HMG20A: variants seen among roughly 807,000 people sequenced by gnomAD.
HMG20A encodes high mobility group protein 20A.
In HMG20A, 17 loss-of-function variants were observed where a neutral mutation model predicts 43.9. The ratio of observed to expected loss-of-function variants is 0.39; its 90% CI spans 0.27 to 0.58. The LOEUF (loss-of-function observed/expected upper bound fraction) is 0.58, where lower values mean the gene tolerates loss of function less well. HMG20A is among the 20% of genes least tolerant of loss of function. The pLI, the probability that HMG20A is intolerant of heterozygous loss-of-function variation, is 0.59. For missense variants in HMG20A, 341 were observed against 438.2 expected (o/e 0.78, Z 1.98); for synonymous variants, 132 against 147.5 (o/e 0.89, Z 0.76).
rs2072736005 is a variant in HMG20A at position 77,464,404 on chromosome 15, CCTT to C, written c.237+20_237+22del. 4.3e-6 allele frequency: 7 copies of C among 1,611,666 alleles called. No homozygotes were observed. Among genetic ancestry groups the C allele is most frequent in the Non-Finnish European group, 5.1e-6 (6 of 1,178,442 alleles). ...GAAGATGAGGTAAGCTGAAGTATCT[CCTT>C]CTGTTCCTATCCTCTGAAACTTCTG... On this transcript the variant is annotated intron_variant, in intron 3 of 9. Coordinates refer to ENST00000336216, the MANE Select transcript of HMG20A (RefSeq NM_001304504.2).
At chr15:77,439,869 C>T (rs1460277891) in intron 1 of HMG20A, among the ~76,000 whole-genome samples, 2 of 152,136 alleles carry the variant, frequency 1.3e-5, no homozygotes, top group African/African-American at 2.4e-5. Context: ...TTCAGTTCCT[C>T]TCCATCCTTG....
intron 1 of HMG20A, among the ~76,000 whole-genome samples, chr15:77,445,929 C>T (rs2073669159): frequency 6.6e-6 from 1 of 152,202 alleles, no homozygotes; most frequent in Non-Finnish European, 1.5e-5. Context: ...TATTTTTGGA[C>T]TGCAGTTGAC....
rs111566135 is a variant in HMG20A, at chr15:77,457,982, A to G, written c.-4-422A>G. On this transcript the variant is annotated intron_variant, in intron 1 of 9. Coordinates refer to ENST00000336216, the MANE Select transcript of HMG20A (RefSeq NM_001304504.2). ...AGCACTTTCATTTTAATCTCTCACA[A>G]TAACCCTTTGGGTTAAGTCAGCAAT... Among the ~76,000 whole-genome samples, 717 of 152,298 alleles carry G rather than the reference A, an allele frequency of 4.7e-3. 9 individuals are homozygous for G. Among genetic ancestry groups the G allele is most frequent in the African/African-American group, 0.016 (667 of 41,574 alleles).
intron 1 of HMG20A, among the ~76,000 whole-genome samples, chr15:77,432,847 G>A (rs763741002): frequency 6.6e-6 from 1 of 150,796 alleles, no homozygotes; most frequent in South Asian, 2.1e-4. Flanking sequence ...AAAAAAAAGA[G>A]CATAAATTAC....
chr15:77,461,157 G>A (rs997490739), intron 2 of HMG20A, among the ~76,000 whole-genome samples: 2 of 152,096 alleles, frequency 1.3e-5, no homozygotes, highest in African/African-American at 4.8e-5. Flanking sequence ...AGATGCTTCT[G>A]GTACATCAGG....
intron 2 of HMG20A, among the ~76,000 whole-genome samples, chr15:77,458,777 T>TA (rs1373307637): frequency 6.6e-6 from 1 of 152,204 alleles, no homozygotes; most frequent in Non-Finnish European, 1.5e-5. Flanking sequence ...ATTAAGGAAA[T>TA]ACCTGCCACA....
chr15:77,515,315 A>G, the HMG20A span, among the ~76,000 whole-genome samples: 4 of 152,222 alleles, frequency 2.6e-5, no homozygotes, highest in African/African-American at 4.8e-5. Flanking sequence ...AACGCCCAGC[A>G]GTACTGGCCT....
chr15:77,436,282 A>C (rs1308809085), intron 1 of HMG20A, among the ~76,000 whole-genome samples: 1 of 151,938 alleles, frequency 6.6e-6, no homozygotes, highest in African/African-American at 2.4e-5. Context: ...ACACCCCCCT[A>C]TCCAGACCAC....
intron 1 of HMG20A, among the ~76,000 whole-genome samples, chr15:77,449,076 A>G (rs1171720527): frequency 6.6e-6 from 1 of 152,060 alleles, no homozygotes; most frequent in Admixed American, 6.6e-5. Flanking sequence ...AATAAAATAA[A>G]GATCAATAAT....
At chr15:77,463,374 C>T (rs547445620) in intron 2 of HMG20A, among the ~76,000 whole-genome samples, 2 of 152,206 alleles carry the variant, frequency 1.3e-5, no homozygotes, top group East Asian at 3.9e-4. Context: ...GTAATTATTC[C>T]CTATAATACT....
intron 1 of HMG20A, among the ~76,000 whole-genome samples, chr15:77,431,315 G>A (rs1267314687): frequency 6.6e-6 from 1 of 152,078 alleles, no homozygotes; most frequent in Non-Finnish European, 1.5e-5. Context: ...GTGTTCAAGC[G>A]ATTCTCCTGC....
chr15:77,453,769 T>G (rs1425450928), intron 1 of HMG20A, among the ~76,000 whole-genome samples: 1 of 152,206 alleles, frequency 6.6e-6, no homozygotes, highest in Non-Finnish European at 1.5e-5. Flanking sequence ...TGATACACGC[T>G]ACAATGTGAA....
intron 1 of HMG20A, among the ~76,000 whole-genome samples, chr15:77,448,050 A>G (rs991527313): frequency 6.6e-6 from 1 of 152,202 alleles, no homozygotes; most frequent in African/African-American, 2.4e-5. Context: ...GTTATTTTGA[A>G]CTTAGAAACT....
At chr15:77,422,840 T>C (rs966931781) in intron 1 of HMG20A, among the ~76,000 whole-genome samples, 1 of 152,146 alleles carries the variant, frequency 6.6e-6, no homozygotes, top group African/African-American at 2.4e-5. Flanking sequence ...TTGTGGTTAT[T>C]AATAGGTTAG....
At chr15:77,514,412 A>G in the HMG20A span, among the ~76,000 whole-genome samples, 5 of 152,388 alleles carry the variant, frequency 3.3e-5, no homozygotes, top group Non-Finnish European at 7.3e-5. Flanking sequence ...AGAAAGGCAC[A>G]TAAAGAAGAT....
At chr15:77,511,380 C>T in the HMG20A span, among the ~76,000 whole-genome samples, 1 of 152,192 alleles carries the variant, frequency 6.6e-6, no homozygotes, top group Non-Finnish European at 1.5e-5. Flanking sequence ...CAGCCCAGAT[C>T]TGCCCCCAAA....
the HMG20A span, among the ~76,000 whole-genome samples, chr15:77,491,989 A>G: frequency 1.3e-5 from 2 of 152,230 alleles, no homozygotes; most frequent in Non-Finnish European, 1.5e-5. Context: ...AGGCAGTGAC[A>G]TAAGGAAAAC....
At chr15:77,476,302 C>T (rs1309913299) in intron 6 of HMG20A, among the ~76,000 whole-genome samples, 3 of 151,832 alleles carry the variant, frequency 2.0e-5, no homozygotes, top group Admixed American at 1.3e-4. Flanking sequence ...GCCAACATGG[C>T]GAAACCCCGT....
chr15:77,465,076 A>G (rs373170932), intron 3 of HMG20A, among the ~76,000 whole-genome samples: 6 of 152,130 alleles, frequency 3.9e-5, no homozygotes, highest in East Asian at 1.9e-4. Context: ...CCTGGCCAAC[A>G]TGGTGAAACC....
Sources: allele counts gnomAD v4.1 joint callset (sites outside exome capture counted in the v4.1 genomes callset), GRCh38; gene constraint gnomAD v4.1.1; transcripts MANE v1.5; gene names NCBI Gene and HGNC (gene_info 2026-07-23, HGNC 2026-07-21).